Variants in MSRB2 observed in about 807,000 individuals in gnomAD.
MSRB2 encodes the protein methionine sulfoxide reductase B2.
Under a neutral mutation model 19.0 loss-of-function variants are expected in MSRB2, and 17 were observed. The ratio of observed to expected loss-of-function variants is 0.89; its 90% CI spans 0.61 to 1.34. MSRB2 has a LOEUF of 1.34. Ranked by LOEUF, MSRB2 falls within the 40% of genes most tolerant of loss-of-function variation. The pLI, the probability that MSRB2 is intolerant of heterozygous loss-of-function variation, is 0.00. For missense variants in MSRB2, 208 were observed against 237.6 expected (o/e 0.88, Z 0.82); for synonymous variants, 107 against 99.7 (o/e 1.07, Z -0.44).
At chr10:23,120,662 C>T (rs987157421) in intron 4 of MSRB2, 96 bp from the exon 5 acceptor site, 22 of 810,004 alleles carry the variant, frequency 2.7e-5, no homozygotes, top group Non-Finnish European at 3.7e-5. Flanking sequence ...ATGTCAGACT[C>T]CGGAGTGGAG....
At chr10:23,104,433 C>A (rs1409399855) in intron 2 of MSRB2, among the ~76,000 whole-genome samples, 189 bp downstream of exon 2, 1 of 152,138 alleles carries the variant, frequency 6.6e-6, no homozygotes, top group Non-Finnish European at 1.5e-5. Context: ...TCTCTGGACA[C>A]AGCATCTCTA....
intron 1 of MSRB2, among the ~76,000 whole-genome samples, chr10:23,098,076 C>G (rs1839886015): frequency 6.6e-6 from 1 of 152,062 alleles, no homozygotes; most frequent in Admixed American, 6.5e-5. Flanking sequence ...AATATTCTTT[C>G]TAGAGATGAC....
At chr10:23,097,067 A>G (rs2131619767) in intron 1 of MSRB2, among the ~76,000 whole-genome samples, 1 of 152,362 alleles carries the variant, frequency 6.6e-6, no homozygotes, top group East Asian at 1.9e-4. Flanking sequence ...AATAGTTCAA[A>G]AGAAGAACAA....
chr10:23,100,854 T>C (rs1839919545), intron 1 of MSRB2, among the ~76,000 whole-genome samples: 1 of 152,128 alleles, frequency 6.6e-6, no homozygotes, highest in African/African-American at 2.4e-5. Context: ...AAAGGGTAGA[T>C]GTAGGTATTA....
chr10:23,119,917 C>T (rs1485388720), intron 4 of MSRB2, among the ~76,000 whole-genome samples: 1 of 152,210 alleles, frequency 6.6e-6, no homozygotes, highest in Non-Finnish European at 1.5e-5. Flanking sequence ...GGTTTCTACA[C>T]ATGCCAATAA....
At chr10:23,117,554 A>G (rs1284341193) in intron 3 of MSRB2, among the ~76,000 whole-genome samples, 1 of 152,216 alleles carries the variant, frequency 6.6e-6, no homozygotes, top group Admixed American at 6.5e-5. Context: ...TAATAAATTT[A>G]TTTCAGGTTG....
At chr10:23,109,389 A>C (rs1564429345) in intron 2 of MSRB2, among the ~76,000 whole-genome samples, 1 of 152,116 alleles carries the variant, frequency 6.6e-6, no homozygotes, top group East Asian at 1.9e-4. Flanking sequence ...GTAAAAGTAC[A>C]AAAATTAGCC....
chr10:23,116,882 G>A (rs1374909392), intron 3 of MSRB2, among the ~76,000 whole-genome samples: 2 of 152,096 alleles, frequency 1.3e-5, no homozygotes, highest in African/African-American at 4.8e-5. Flanking sequence ...TTATAATTTG[G>A]TATATTATTG....
intron 1 of MSRB2, among the ~76,000 whole-genome samples, chr10:23,097,877 G>A (rs1340556047): frequency 6.6e-6 from 1 of 152,092 alleles, no homozygotes; most frequent in Non-Finnish European, 1.5e-5. Flanking sequence ...CATGGGCTTC[G>A]GGAGTGTTGA....
At chr10:23,114,067 G>A (rs1162836751) in intron 3 of MSRB2, among the ~76,000 whole-genome samples, 3 of 152,070 alleles carry the variant, frequency 2.0e-5, no homozygotes, top group African/African-American at 4.8e-5. Flanking sequence ...CTGTGGTTAC[G>A]GGCTGAACGT....
In MSRB2 at chr10:23,117,972, C is replaced by G. The variant is rs565808867; in HGVS notation, c.297-1332C>G. Among the ~76,000 whole-genome samples the G allele has an allele frequency of 2.0e-5, 3 of 152,244 alleles. No individual in the cohort carries two copies. In the South Asian group the frequency reaches 6.2e-4, roughly 32 times the overall value. On this transcript the variant is annotated intron_variant, in intron 3 of 4. Coordinates refer to ENST00000376510, the MANE Select transcript of MSRB2 (RefSeq NM_012228.4). ...TTGCAGATTAAGGATGCTTAGCCATCAAGTAAAATGCAAAATTCAAAAAGA... is the reference window on the plus strand; with the variant it reads ...TTGCAGATTAAGGATGCTTAGCCATGAAGTAAAATGCAAAATTCAAAAAGA...
chr10:23,111,574 G>A (rs533170395), intron 3 of MSRB2, among the ~76,000 whole-genome samples: 1 of 152,256 alleles, frequency 6.6e-6, no homozygotes, highest in South Asian at 2.1e-4. Flanking sequence ...AAAAAGGGGG[G>A]GACTTCTTCC....
chr10:23,121,823 A>G lies in MSRB2; in HGVS notation c.*961A>G, dbSNP rs553940250. On this transcript the variant is annotated 3_prime_UTR_variant, in exon 5 of 5. Coordinates refer to ENST00000376510, the MANE Select transcript of MSRB2 (RefSeq NM_012228.4). ...TGCTCTGGGAGCATATATGGTGATC[A>G]ATCAGATGCATGACTTTTTTTTCAA... is the stretch of plus-strand genomic sequence containing the variant. 3 of 152,344 alleles carry G rather than the reference A, an allele frequency of 2.0e-5. No individual in the cohort carries two copies. The highest frequency in any genetic ancestry group is 2.9e-5 in the Non-Finnish European group (2 of 68,030). The allele number at this position is 152,344 out of a possible 1,614,324, so 9.4% of individuals were successfully genotyped here.
rs187443036 is a variant in MSRB2, at chr10:23,108,343, G to T, written c.220-1899G>T. On this transcript the variant is annotated intron_variant, in intron 2 of 4. Coordinates refer to ENST00000376510, the MANE Select transcript of MSRB2 (RefSeq NM_012228.4). ...TGTCCAGCTGCCCCCCTGCAATAAT[G>T]AAATTATGTTTTGAGTCTTTCCAGG... Among the ~76,000 whole-genome samples the T allele has an allele frequency of 1.1e-3, 175 of 152,242 alleles. 2 individuals carry two copies. The highest frequency in any genetic ancestry group is 3.8e-3 in the African/African-American group (158 of 41,534).
intron 3 of MSRB2, among the ~76,000 whole-genome samples, chr10:23,114,075 C>T (rs538270971): frequency 1.3e-5 from 2 of 152,202 alleles, no homozygotes; most frequent in African/African-American, 2.4e-5. Context: ...ACGGGCTGAA[C>T]GTGGTGACTC....
At chr10:23,108,038 G>A (rs1840003609) in intron 2 of MSRB2, among the ~76,000 whole-genome samples, 1 of 151,118 alleles carries the variant, frequency 6.6e-6, no homozygotes, top group South Asian at 2.1e-4. Context: ...TTGACCCACT[G>A]CAACCTCTAC....
At chr10:23,102,315 T>C (rs1230747939) in intron 1 of MSRB2, among the ~76,000 whole-genome samples, 1 of 152,224 alleles carries the variant, frequency 6.6e-6, no homozygotes, top group South Asian at 2.1e-4. Context: ...AGTTTTCCTC[T>C]CAGGAAATTG....
chr10:23,112,935 T>A (rs1328224627), intron 3 of MSRB2, among the ~76,000 whole-genome samples: 3 of 152,216 alleles, frequency 2.0e-5, no homozygotes, highest in Non-Finnish European at 4.4e-5. Flanking sequence ...TATACATGAA[T>A]GCGCTTTTGA....
At chr10:23,099,207 G>T (rs16923014) in intron 1 of MSRB2, among the ~76,000 whole-genome samples, 1 of 152,052 alleles carries the variant, frequency 6.6e-6, no homozygotes, top group South Asian at 2.1e-4. Context: ...ATAACATCCA[G>T]GTCAAAGAAA....
Sources: allele counts gnomAD v4.1 joint callset (sites outside exome capture counted in the v4.1 genomes callset), GRCh38; gene constraint gnomAD v4.1.1; transcripts MANE v1.5; gene names NCBI Gene and HGNC (gene_info 2026-07-23, HGNC 2026-07-21).